The following PKIB variants were observed in gnomAD, a reference collection of about 807,000 sequenced individuals.
PKIB encodes the protein cAMP-dependent protein kinase inhibitor beta.
Under a neutral mutation model 4.5 loss-of-function variants are expected in PKIB, and 2 were observed. That is an observed-to-expected ratio of 0.44 (90% CI 0.18 to 1.39). The LOEUF (loss-of-function observed/expected upper bound fraction) is 1.39. PKIB is among the 40% of genes most tolerant of loss of function. The probability of loss-of-function intolerance (pLI) is 0.27; values close to 1 mark genes in which losing one functional copy is unlikely to be tolerated. For missense variants in PKIB, 94 were observed against 92.6 expected (o/e 1.02, Z -0.06); for synonymous variants, 38 against 36.0 (o/e 1.06, Z -0.20).
chr6:122,499,913 G>A (rs960314346), intron 2 of PKIB, among the ~76,000 whole-genome samples: 7 of 152,052 alleles, frequency 4.6e-5, no homozygotes, highest in African/African-American at 2.4e-5. Context: ...TAACATTTAA[G>A]TGGAGATCCA....
intron 3 of PKIB, among the ~76,000 whole-genome samples, chr6:122,589,983 G>A (rs965495367): frequency 3.9e-5 from 6 of 152,032 alleles, no homozygotes; most frequent in Admixed American, 6.6e-5. Flanking sequence ...TGATGCTTCT[G>A]TGCATAATCA....
At chr6:122,624,825 T>G (rs1038099237) in intron 1 of PKIB, among the ~76,000 whole-genome samples, 1 of 152,218 alleles carries the variant, frequency 6.6e-6, no homozygotes, top group African/African-American at 2.4e-5. Flanking sequence ...CACTCTGTGA[T>G]AGACTAATTG....
intron 3 of PKIB, among the ~76,000 whole-genome samples, chr6:122,698,202 G>A (rs1281273089): frequency 2.0e-5 from 3 of 152,070 alleles, no homozygotes; most frequent in Admixed American, 6.6e-5. Flanking sequence ...GCCTTCTATT[G>A]CCATTCATTC....
chr6:122,589,512 A>C (rs932042112), intron 3 of PKIB, among the ~76,000 whole-genome samples: 18 of 152,164 alleles, frequency 1.2e-4, no homozygotes, highest in African/African-American at 4.3e-4. Flanking sequence ...GTCAAAGGTG[A>C]TTTGATTTCA....
chr6:122,681,572 G>A (rs1039120636), intron 3 of PKIB, among the ~76,000 whole-genome samples: 4 of 152,102 alleles, frequency 2.6e-5, no homozygotes, highest in Non-Finnish European at 5.9e-5. Context: ...GATTCAAACA[G>A]CAGAGGGGTA....
intron 1 of PKIB, among the ~76,000 whole-genome samples, chr6:122,473,690 T>A (rs1183673745): frequency 1.3e-5 from 2 of 152,234 alleles, no homozygotes; most frequent in Non-Finnish European, 2.9e-5. Context: ...CTTTTTCAAA[T>A]TTCAACCCAA....
intron 2 of PKIB, among the ~76,000 whole-genome samples, chr6:122,517,749 A>G (rs1776806499): frequency 6.6e-6 from 1 of 152,226 alleles, no homozygotes; most frequent in South Asian, 2.1e-4. Flanking sequence ...TGTTTTTAGT[A>G]GTGGCATTTC....
intron 2 of PKIB, among the ~76,000 whole-genome samples, chr6:122,545,444 C>T (rs1272571976): frequency 6.6e-6 from 1 of 151,794 alleles, no homozygotes; most frequent in Admixed American, 6.6e-5. Context: ...ACACTGAGTA[C>T]ACATGGACAC....
intron 2 of PKIB, among the ~76,000 whole-genome samples, chr6:122,639,919 TG>T (rs1776060925): frequency 6.6e-6 from 1 of 152,016 alleles, no homozygotes; most frequent in South Asian, 2.1e-4. Context: ...TTGAAACCAT[TG>T]ATGTGGGAAG....
chr6:122,624,850 A>G (rs780189348), intron 1 of PKIB, among the ~76,000 whole-genome samples: 6 of 152,184 alleles, frequency 3.9e-5, no homozygotes, highest in Non-Finnish European at 7.3e-5. Context: ...GATTAAGTGG[A>G]CTAAAATGCA....
chr6:122,536,794 GAGAA>G (rs1777418443), intron 2 of PKIB, among the ~76,000 whole-genome samples: 1 of 113,286 alleles, frequency 8.8e-6, no homozygotes, highest in African/African-American at 3.0e-5. Context: ...AAATAAAAGA[GAGAA>G]AAACAAAGCA....
intron 3 of PKIB, among the ~76,000 whole-genome samples, chr6:122,714,714 T>C (rs527372848): frequency 4.7e-4 from 71 of 152,258 alleles, no homozygotes; most frequent in Admixed American, 2.9e-3. Context: ...GCAGAAAAGA[T>C]AACTATTGGG....
intron 2 of PKIB, among the ~76,000 whole-genome samples, chr6:122,574,536 C>T (rs1374640582): frequency 6.6e-6 from 1 of 152,086 alleles, no homozygotes; most frequent in East Asian, 1.9e-4. Context: ...ATTAGCAAAA[C>T]AACATGGCAC....
At chr6:122,586,457 C>T (rs1190408795) in intron 3 of PKIB, among the ~76,000 whole-genome samples, 1 of 152,088 alleles carries the variant, frequency 6.6e-6, no homozygotes, top group Non-Finnish European at 1.5e-5. Flanking sequence ...TTTTTGTCCT[C>T]ATATAGTCCT....
At chr6:122,694,159 C>T (rs1030245874) in intron 3 of PKIB, among the ~76,000 whole-genome samples, 1 of 152,118 alleles carries the variant, frequency 6.6e-6, no homozygotes, top group Non-Finnish European at 1.5e-5. Flanking sequence ...AAGAGTATTA[C>T]TGGAGAAAGA....
At chr6:122,603,901 G>A (rs1774450149) in intron 3 of PKIB, among the ~76,000 whole-genome samples, 1 of 152,120 alleles carries the variant, frequency 6.6e-6, no homozygotes, top group Admixed American at 6.5e-5. Context: ...ATTATTTTTG[G>A]TGTTTTGTTA....
At chr6:122,477,507 A>C (rs1236401825) in intron 1 of PKIB, among the ~76,000 whole-genome samples, 1 of 152,178 alleles carries the variant, frequency 6.6e-6, no homozygotes, top group Non-Finnish European at 1.5e-5. Flanking sequence ...TACTATATGA[A>C]ATTTGCCAGA....
intron 2 of PKIB, among the ~76,000 whole-genome samples, chr6:122,518,684 T>C (rs2114594833): frequency 6.6e-6 from 1 of 152,198 alleles, no homozygotes; most frequent in South Asian, 2.1e-4. Context: ...AGGCATTCAA[T>C]AAATGTACCT....
intron 2 of PKIB, among the ~76,000 whole-genome samples, chr6:122,657,749 A>C (rs999436446): frequency 6.6e-6 from 1 of 152,256 alleles, no homozygotes; most frequent in African/African-American, 2.4e-5. Flanking sequence ...TTTGAAAGAT[A>C]TGGAAGCAAT....
Sources: allele counts gnomAD v4.1 joint callset (sites outside exome capture counted in the v4.1 genomes callset), GRCh38; gene constraint gnomAD v4.1.1; transcripts MANE v1.5; gene names NCBI Gene and HGNC (gene_info 2026-07-23, HGNC 2026-07-21).